Variants in FAR2 observed in about 807,000 individuals in gnomAD.
FAR2 encodes epididymis secretory protein Li 81.
In FAR2, 19 loss-of-function variants were observed where a neutral mutation model predicts 56.0. The ratio of observed to expected loss-of-function variants is 0.34; its 90% CI spans 0.24 to 0.50. FAR2 has a LOEUF of 0.50. FAR2 is among the 20% of genes least tolerant of loss of function. The probability of loss-of-function intolerance (pLI) is 0.98; values close to 1 mark genes in which losing one functional copy is unlikely to be tolerated. For missense variants in FAR2, 508 were observed against 642.2 expected, an observed-to-expected ratio of 0.79 and a Z score of 2.26; for synonymous variants, 219 against 218.8, an observed-to-expected ratio of 1.00 and a Z score of -0.01.
chr12:29,320,451 A>G lies in FAR2; in HGVS notation c.1128-1344A>G, dbSNP rs187781722. ...TATCAGGCACAATGATGTCTACCTC[A>G]TGCCTAAGAAATTTCCTATGATACA... On this transcript the variant is annotated intron_variant, in intron 9 of 11. Coordinates refer to ENST00000536681, the MANE Select transcript of FAR2 (RefSeq NM_001271783.2). 1.6e-3 allele frequency among the ~76,000 whole-genome samples: 243 copies of G among 152,316 alleles called. 1 individual carries two copies. The highest frequency in any genetic ancestry group is 2.6e-3 in the Non-Finnish European group (176 of 68,026).
chr12:29,150,135 G>GT (rs1465063624), intron 1 of FAR2, among the ~76,000 whole-genome samples: 3 of 152,148 alleles, frequency 2.0e-5, no homozygotes, highest in Non-Finnish European at 4.4e-5. Context: ...CCCAACTGGA[G>GT]TAGATGGCTT....
intron 8 of FAR2, among the ~76,000 whole-genome samples, chr12:29,315,899 T>C (rs767208867): frequency 6.6e-6 from 1 of 152,178 alleles, no homozygotes; most frequent in Non-Finnish European, 1.5e-5. Flanking sequence ...GTTGAACAGG[T>C]ATATGGATAT....
intron 2 of FAR2, chr12:29,282,466 A>C (rs953746810): frequency 1.3e-5 from 2 of 152,210 alleles, no homozygotes; most frequent in African/African-American, 4.8e-5. Context: ...GTTGTAACTT[A>C]TTCCTAAGTA....
At chr12:29,323,289 C>A (rs1949583334) in intron 10 of FAR2, among the ~76,000 whole-genome samples, 1 of 152,236 alleles carries the variant, frequency 6.6e-6, no homozygotes, top group Non-Finnish European at 1.5e-5. Context: ...ATCAAGGAGG[C>A]CCGCCTGCCT....
intron 1 of FAR2, among the ~76,000 whole-genome samples, chr12:29,172,857 G>T (rs776657229): frequency 1.5e-4 from 23 of 152,202 alleles, no homozygotes; most frequent in Middle Eastern, 3.4e-3. Context: ...TAGAACACAG[G>T]TCAACAGATG....
At chr12:29,257,661 C>G (rs1440623823) in intron 1 of FAR2, among the ~76,000 whole-genome samples, 1 of 151,856 alleles carries the variant, frequency 6.6e-6, no homozygotes, top group Non-Finnish European at 1.5e-5. Context: ...ATGAACAACT[C>G]CAGACGCGCC....
At chr12:29,218,189 T>C (rs924278836) in intron 1 of FAR2, among the ~76,000 whole-genome samples, 3 of 151,866 alleles carry the variant, frequency 2.0e-5, no homozygotes, top group African/African-American at 4.8e-5. Context: ...ACCTTGTCTC[T>C]ACTAAAAAAT....
intron 1 of FAR2, among the ~76,000 whole-genome samples, chr12:29,187,707 G>C (rs777256282): frequency 6.6e-6 from 1 of 152,180 alleles, no homozygotes; most frequent in Non-Finnish European, 1.5e-5. Context: ...ATAGAGAGTT[G>C]TGTAATCTGG....
Position 29,334,918 on chromosome 12 carries a change from T to C in FAR2, c.*1124T>C, listed in dbSNP as rs1432578069. ...AAAAAATTTTGTGTATAATACAAAC[T>C]AATGAAAACTATACATATTCTCCAA... On this transcript the variant is annotated 3_prime_UTR_variant, in exon 12 of 12. Transcript: ENST00000536681. 6.6e-6 allele frequency: 1 copy of C among 152,190 alleles called. No individual in the cohort carries two copies. The allele number at this position is 152,190 out of a possible 1,614,324, so 9.4% of individuals were successfully genotyped here.
chr12:29,273,267 C>G (rs1471859261), intron 2 of FAR2, among the ~76,000 whole-genome samples: 3 of 152,220 alleles, frequency 2.0e-5, no homozygotes, highest in Non-Finnish European at 4.4e-5. Context: ...TCCACAGAGA[C>G]TGCAGCCACC....
rs1947904700 is a variant in FAR2, at chr12:29,234,429, T to C, written c.-38-35983T>C. Among the ~76,000 whole-genome samples, 3 of 152,258 alleles carry C rather than the reference T, an allele frequency of 2.0e-5. No individual in the cohort carries two copies. In the South Asian group the frequency reaches 6.2e-4, roughly 32 times the overall value. ...CAGTAGTCACAAAGTCCTGATGTTT[T>C]TGCCTTCTTCTTATTAAATTTCTGT... is the stretch of plus-strand genomic sequence containing the variant. On this transcript the variant is annotated intron_variant, in intron 1 of 11. Transcript: ENST00000536681.
chr12:29,181,778 C>T (rs909883143), intron 1 of FAR2, among the ~76,000 whole-genome samples: 5 of 152,218 alleles, frequency 3.3e-5, no homozygotes, highest in African/African-American at 9.6e-5. Context: ...TCAACATTTC[C>T]CCCAATACTT....
chr12:29,212,303 T>A (rs2136629793), intron 1 of FAR2, among the ~76,000 whole-genome samples: 1 of 152,216 alleles, frequency 6.6e-6, no homozygotes, highest in African/African-American at 2.4e-5. Flanking sequence ...TAGTGACCCA[T>A]TTTAGGTCTT....
At chr12:29,205,405 G>T (rs531886119) in intron 1 of FAR2, among the ~76,000 whole-genome samples, 2 of 152,134 alleles carry the variant, frequency 1.3e-5, no homozygotes, top group Non-Finnish European at 2.9e-5. Context: ...CTTACCCTAC[G>T]TGTTCTGCTG....
chr12:29,234,095 C>T (rs192590220), intron 1 of FAR2, among the ~76,000 whole-genome samples: 137 of 152,296 alleles, frequency 9.0e-4, no homozygotes, highest in African/African-American at 3.2e-3. Flanking sequence ...GGCTCTTCCT[C>T]TTCGATCTGT....
intron 1 of FAR2, among the ~76,000 whole-genome samples, chr12:29,212,967 T>G (rs1266368093): frequency 6.6e-6 from 1 of 152,166 alleles, no homozygotes; most frequent in Non-Finnish European, 1.5e-5. Context: ...TCCTTTGTAG[T>G]GTCATTCATC....
At chr12:29,234,553 C>T (rs912520516) in intron 1 of FAR2, among the ~76,000 whole-genome samples, 4 of 152,156 alleles carry the variant, frequency 2.6e-5, no homozygotes, top group Non-Finnish European at 5.9e-5. Context: ...TCCCCTGCTT[C>T]GAGTTGCTAT....
chr12:29,171,480 C>G (rs534357264), intron 1 of FAR2: 1 of 151,636 alleles, frequency 6.6e-6, no homozygotes, highest in South Asian at 2.1e-4. Flanking sequence ...AGGAGCGCCT[C>G]TGCCCGGCTG....
chr12:29,335,481 T>C lies in FAR2; in HGVS notation c.*1687T>C, dbSNP rs1310792668. 2 of 152,198 alleles carry C rather than the reference T, an allele frequency of 1.3e-5. No individual in the cohort carries two copies. The highest frequency in any genetic ancestry group is 2.9e-5 in the Non-Finnish European group (2 of 68,038). The allele number at this position is 152,198 out of a possible 1,614,324, so 9.4% of individuals were successfully genotyped here. A position where few individuals can be genotyped will look rare whatever the true frequency, so the allele number is the denominator to read the frequency against. On this transcript the variant is annotated 3_prime_UTR_variant, in exon 12 of 12. Transcript: ENST00000536681. ...TAAAAATATGAAATCAAGATATAGC[T>C]CAGTGGGATTGGATTAAGACATAAT...
Sources: allele counts gnomAD v4.1 joint callset (sites outside exome capture counted in the v4.1 genomes callset), GRCh38; gene constraint gnomAD v4.1.1; transcripts MANE v1.5; gene names NCBI Gene and HGNC (gene_info 2026-07-23, HGNC 2026-07-21).